The following PIWIL1 variants were observed in gnomAD, a reference collection of about 807,000 sequenced individuals.
PIWIL1 encodes the protein piwi like RNA-mediated gene silencing 1, also known as piwi-like protein 1.
Under a neutral mutation model 114.4 loss-of-function variants are expected in PIWIL1, and 73 were observed. The observed-to-expected ratio is 0.64, with a 90% CI of 0.53 to 0.78. PIWIL1 has a LOEUF of 0.78. Ranked by LOEUF, PIWIL1 falls within the 30% of genes least tolerant of loss-of-function variation. PIWIL1 has a pLI of 0.00. For synonymous variants in PIWIL1, 375 were observed against 369.0 expected (o/e 1.02, Z -0.19); for missense variants, 723 against 1,063.1 (o/e 0.68, Z 4.45).
At chr12:130,396,595 C>T in the PIWIL1 span, 7 of 152,508 alleles carry the variant, frequency 4.6e-5, no homozygotes, top group Non-Finnish European at 7.4e-5. Flanking sequence ...ATTTTGACAA[C>T]GAAAGTAACA....
At chr12:130,376,202 G>A (rs189017251), downstream of PIWIL1, among the ~76,000 whole-genome samples, 7 of 152,198 alleles carry the variant, frequency 4.6e-5, no homozygotes, top group Non-Finnish European at 1.0e-4. Flanking sequence ...TCTTGGTCTC[G>A]GAACTGCCTG....
At chr12:130,421,724 T>TGTGTG in the PIWIL1 span, among the ~76,000 whole-genome samples, 1 of 151,364 alleles carries the variant, frequency 6.6e-6, no homozygotes, top group African/African-American at 2.4e-5. Flanking sequence ...TGTGTGTGTG[T>TGTGTG]TTTCATAGAA....
the PIWIL1 span, among the ~76,000 whole-genome samples, chr12:130,384,296 A>G: frequency 6.6e-6 from 1 of 152,210 alleles, no homozygotes; most frequent in Non-Finnish European, 1.5e-5. Context: ...CATTTTGGGA[A>G]GAATAAGCAA....
At chr12:130,386,058 C>T in the PIWIL1 span, among the ~76,000 whole-genome samples, 281 of 152,272 alleles carry the variant, frequency 1.8e-3, no homozygotes, top group Admixed American at 4.8e-3. Flanking sequence ...CCTAACCCAC[C>T]GCCATCAGTA....
At position 130,348,576 on chromosome 12, in the gene PIWIL1, C is replaced by G. The variant is rs188114493; in HGVS notation, c.734+393C>G. 2.8e-4 allele frequency among the ~76,000 whole-genome samples: 42 copies of G among 152,254 alleles called. 1 individual carries two copies. In the East Asian group the frequency reaches 6.2e-3, roughly 22 times the overall value. On this transcript the variant is annotated intron_variant, in intron 7 of 20. Transcript: ENST00000245255. Reference sequence around the variant, plus strand: ...TATGCAGTATGCCCATGTCACAAACCTGCACGTGTGCCCCTTGAATCTAAA... The same window carrying G: ...TATGCAGTATGCCCATGTCACAAACGTGCACGTGTGCCCCTTGAATCTAAA...
chr12:130,344,966 C>T (rs770431212), intron 3 of PIWIL1, among the ~76,000 whole-genome samples: 4 of 152,202 alleles, frequency 2.6e-5, no homozygotes, highest in African/African-American at 4.8e-5. Flanking sequence ...GGATAGTCAA[C>T]TGGTAATCTC....
the PIWIL1 span, chr12:130,407,883 G>T: frequency 1.3e-6 from 2 of 1,517,544 alleles, no homozygotes; most frequent in Admixed American, 1.7e-5. Context: ...TTCAAACTTA[G>T]CGGTGTTCCC....
At chr12:130,414,108 A>G in the PIWIL1 span, 2 of 1,613,726 alleles carry the variant, frequency 1.2e-6, no homozygotes, top group South Asian at 1.1e-5. Flanking sequence ...AGCCGCCCGC[A>G]GGCAGCCATC....
chr12:130,411,667 C>A, the PIWIL1 span, among the ~76,000 whole-genome samples: 1 of 152,152 alleles, frequency 6.6e-6, no homozygotes, highest in African/African-American at 2.4e-5. Flanking sequence ...GAGTCTTAGT[C>A]AACTTCGGGA....
chr12:130,403,739 A>G, the PIWIL1 span, among the ~76,000 whole-genome samples: 20,577 of 152,194 alleles, frequency 0.14, 1,536 homozygotes, highest in Middle Eastern at 0.21. Flanking sequence ...CCCGGTATCA[A>G]AAGCTACAAC....
intron 3 of PIWIL1, among the ~76,000 whole-genome samples, chr12:130,344,518 C>T (rs923897245): frequency 6.6e-6 from 1 of 152,116 alleles, no homozygotes; most frequent in Admixed American, 6.5e-5. Context: ...AATTGACACT[C>T]ATATTAAATA....
chr12:130,423,376 G>T, the PIWIL1 span, among the ~76,000 whole-genome samples: 1 of 152,324 alleles, frequency 6.6e-6, no homozygotes, highest in African/African-American at 2.4e-5. Flanking sequence ...TCCTGGGTGG[G>T]CCCATCGCAA....
At chr12:130,423,516 A>G in the PIWIL1 span, among the ~76,000 whole-genome samples, 2 of 152,316 alleles carry the variant, frequency 1.3e-5, no homozygotes, top group African/African-American at 2.4e-5. Flanking sequence ...GAAGCCTTCA[A>G]TGAATCCCTA....
At chr12:130,375,043 AAG>A (rs2073856084), downstream of PIWIL1, among the ~76,000 whole-genome samples, 1 of 151,964 alleles carries the variant, frequency 6.6e-6, no homozygotes, top group Non-Finnish European at 1.5e-5. Flanking sequence ...CCCCGCAAAA[AAG>A]AAACCACTCG....
chr12:130,409,634 C>T, the PIWIL1 span, among the ~76,000 whole-genome samples: 6 of 152,148 alleles, frequency 3.9e-5, no homozygotes, highest in Non-Finnish European at 8.8e-5. Flanking sequence ...TGAGCCACTG[C>T]GCCCGGCCCA....
intron 18 of PIWIL1, among the ~76,000 whole-genome samples, chr12:130,363,588 G>A: frequency 6.6e-6 from 1 of 150,704 alleles, no homozygotes. Flanking sequence ...AGTCTCATGG[G>A]GCAGGGGTAG....
chr12:130,350,841 G>A (rs1042207288), intron 9 of PIWIL1, among the ~76,000 whole-genome samples: 1 of 152,140 alleles, frequency 6.6e-6, no homozygotes, highest in African/African-American at 2.4e-5. Flanking sequence ...TGCATGGAAA[G>A]TATGCATCTT....
At chr12:130,393,466 G>A in the PIWIL1 span, among the ~76,000 whole-genome samples, 34 of 109,550 alleles carry the variant, frequency 3.1e-4, no homozygotes, top group South Asian at 6.7e-3. Context: ...GTCATCACGT[G>A]TCCGTCAGTT....
the PIWIL1 span, among the ~76,000 whole-genome samples, chr12:130,403,771 GATT>G: frequency 1.1e-4 from 17 of 152,270 alleles, no homozygotes; most frequent in Admixed American, 2.6e-4. Context: ...AATGAATACA[GATT>G]ATTATTATTT....
Sources: allele counts gnomAD v4.1 joint callset (sites outside exome capture counted in the v4.1 genomes callset), GRCh38; gene constraint gnomAD v4.1.1; transcripts MANE v1.5; gene names NCBI Gene and HGNC (gene_info 2026-07-23, HGNC 2026-07-21).